The following ERC1 variants were observed in gnomAD, a reference collection of about 807,000 sequenced individuals.
The protein encoded by ERC1 is RAB6 interacting protein 2.
A neutral mutation model predicts 132.0 loss-of-function variants in ERC1; 56 were observed. The observed-to-expected ratio is 0.42, with a 90% CI of 0.34 to 0.53. The LOEUF is 0.53. ERC1 is among the 20% of genes least tolerant of loss of function. The pLI is 0.03. For missense variants in ERC1, 1,202 were observed against 1,349.9 expected, an observed-to-expected ratio of 0.89 and a Z score of 1.72; for synonymous variants, 478 against 476.1, an observed-to-expected ratio of 1.00 and a Z score of -0.05.
intron 2 of ERC1, among the ~76,000 whole-genome samples, chr12:1,038,604 C>G (rs1376109996): frequency 6.6e-6 from 1 of 152,158 alleles, no homozygotes; most frequent in Non-Finnish European, 1.5e-5. Context: ...GGTGATCTAC[C>G]TGCTTCGGCC....
chr12:1,102,945 A>G (rs1008229151), intron 3 of ERC1, among the ~76,000 whole-genome samples: 3 of 152,222 alleles, frequency 2.0e-5, no homozygotes, highest in Non-Finnish European at 2.9e-5. Flanking sequence ...GAATCTCCAC[A>G]TGCTCATCAC....
At chr12:1,110,074 G>T in intron 4 of ERC1, 118 bp from the exon 5 acceptor site, 1 of 845,626 alleles carries the variant, frequency 1.2e-6, no homozygotes. Flanking sequence ...TTGCCAGACA[G>T]CATTTTTTCT....
At chr12:1,029,744 CTTTTTT>C (rs747890124) in intron 2 of ERC1, among the ~76,000 whole-genome samples, 3 of 114,236 alleles carry the variant, frequency 2.6e-5, no homozygotes, top group Non-Finnish European at 5.2e-5. Context: ...GTTAAACATA[CTTTTTT>C]TTTTTTTTTT....
intron 12 of ERC1, among the ~76,000 whole-genome samples, chr12:1,219,580 G>C (rs1317690882): frequency 4.0e-5 from 6 of 150,972 alleles, no homozygotes; most frequent in Admixed American, 1.3e-4. Flanking sequence ...ATGGCTATCT[G>C]CTTCTATATC....
intron 15 of ERC1, among the ~76,000 whole-genome samples, chr12:1,364,022 A>T (rs2154371727): frequency 6.6e-6 from 1 of 152,324 alleles, no homozygotes; most frequent in South Asian, 2.1e-4. Context: ...GCACTGTTGG[A>T]ACTATGCCCT....
At chr12:1,229,690 A>G (rs941603464) in intron 12 of ERC1, among the ~76,000 whole-genome samples, 2 of 151,920 alleles carry the variant, frequency 1.3e-5, no homozygotes, top group African/African-American at 2.4e-5. Context: ...CTTTATTTGA[A>G]TTCTCTTTCT....
intron 14 of ERC1, among the ~76,000 whole-genome samples, chr12:1,275,998 C>G (rs1201654506): frequency 6.6e-6 from 1 of 152,148 alleles, no homozygotes; most frequent in Non-Finnish European, 1.5e-5. Context: ...ACAACAGATT[C>G]TCAGATATAT....
At chr12:1,290,565 C>A (rs1177903928) in intron 15 of ERC1, among the ~76,000 whole-genome samples, 1 of 152,178 alleles carries the variant, frequency 6.6e-6, no homozygotes, top group African/African-American at 2.4e-5. Context: ...AGACCATAAT[C>A]TGTTGTGAAG....
At chr12:1,427,260 G>A (rs1022142808) in intron 17 of ERC1, among the ~76,000 whole-genome samples, 2 of 152,162 alleles carry the variant, frequency 1.3e-5, no homozygotes, top group Non-Finnish European at 2.9e-5. Context: ...AGCACTGCTG[G>A]GGGCCTTCTT....
At chr12:994,094 A>AAAAAAAAAAG (rs1772924474) in intron 1 of ERC1, among the ~76,000 whole-genome samples, 1 of 147,714 alleles carries the variant, frequency 6.8e-6, no homozygotes. Flanking sequence ...AAAAAAAAAA[A>AAAAAAAAAAG]AGTGAAGGTT....
At chr12:1,440,600 T>G (rs1479090563) in intron 17 of ERC1, among the ~76,000 whole-genome samples, 25 of 51,114 alleles carry the variant, frequency 4.9e-4, no homozygotes, top group Admixed American at 1.2e-3. Flanking sequence ...CCTCAGCCTT[T>G]TGTGTGTGTG....
chr12:1,262,344 A>C (rs2077195681), intron 13 of ERC1, among the ~76,000 whole-genome samples: 1 of 152,152 alleles, frequency 6.6e-6, no homozygotes, highest in East Asian at 1.9e-4. Flanking sequence ...ATAGATCAAC[A>C]TTCACCTCTC....
At chr12:1,143,585 CTT>C (rs5795961) in intron 8 of ERC1, among the ~76,000 whole-genome samples, 2 of 143,382 alleles carry the variant, frequency 1.4e-5, no homozygotes, top group South Asian at 2.2e-4. Flanking sequence ...AGTGCCCTAG[CTT>C]TTTTTTTTTT....
At chr12:1,374,302 G>A (rs937761419) in intron 16 of ERC1, among the ~76,000 whole-genome samples, 1 of 152,180 alleles carries the variant, frequency 6.6e-6, no homozygotes, top group African/African-American at 2.4e-5. Context: ...TTGTCAGAAA[G>A]AGGTGAAGCA....
intron 8 of ERC1, among the ~76,000 whole-genome samples, chr12:1,167,930 G>A (rs1168175383): frequency 6.6e-6 from 1 of 151,902 alleles, no homozygotes; most frequent in African/African-American, 2.4e-5. Context: ...TGGCCAGGAT[G>A]CTCTCGATCT....
intron 15 of ERC1, among the ~76,000 whole-genome samples, chr12:1,295,098 G>A (rs1052899660): frequency 2.0e-5 from 3 of 152,158 alleles, no homozygotes; most frequent in African/African-American, 4.8e-5. Context: ...GTTGTTGTAC[G>A]GATCAAATGA....
chr12:1,436,081 A>G (rs984208493), intron 17 of ERC1, among the ~76,000 whole-genome samples: 3 of 152,140 alleles, frequency 2.0e-5, no homozygotes, highest in Admixed American at 2.0e-4. Flanking sequence ...TTGACGCTAG[A>G]GTTCAAATAA....
At chr12:1,484,245 C>T (rs936184823) in intron 18 of ERC1, among the ~76,000 whole-genome samples, 3 of 151,482 alleles carry the variant, frequency 2.0e-5, no homozygotes, top group African/African-American at 4.8e-5. Context: ...GTGGAGCTTG[C>T]AGTGAGCCGA....
intron 3 of ERC1, among the ~76,000 whole-genome samples, chr12:1,092,728 AG>A (rs750546588): frequency 2.6e-5 from 4 of 152,220 alleles, no homozygotes; most frequent in Non-Finnish European, 5.9e-5. Context: ...TGGGAGGCCA[AG>A]GCGGGCGGAT....
Sources: allele counts gnomAD v4.1 joint callset (sites outside exome capture counted in the v4.1 genomes callset), GRCh38; gene constraint gnomAD v4.1.1; transcripts MANE v1.5; gene names NCBI Gene and HGNC (gene_info 2026-07-23, HGNC 2026-07-21).